Variants in TXNRD2 observed in about 807,000 individuals in gnomAD.
TXNRD2 encodes the protein thioredoxin reductase 2.
Under a neutral mutation model 70.8 loss-of-function variants are expected in TXNRD2, and 67 were observed. The ratio of observed to expected loss-of-function variants is 0.95; its 90% CI spans 0.78 to 1.16. TXNRD2 has a LOEUF of 1.16. TXNRD2 is among the 50% of genes most tolerant of loss of function. TXNRD2 has a pLI of 0.00. For synonymous variants in TXNRD2, 301 were observed against 295.8 expected (o/e 1.02, Z -0.18); for missense variants, 644 against 719.9 (o/e 0.89, Z 1.21).
chr22:19,925,021 A>ATG, intron 2 of TXNRD2, among the ~76,000 whole-genome samples: 1 of 151,038 alleles, frequency 6.6e-6, no homozygotes, highest in Non-Finnish European at 1.5e-5. Flanking sequence ...ATGGTGGCTC[A>ATG]CGCCTGTAAT....
chr22:19,935,589 T>A (rs1255192676), intron 1 of TXNRD2, among the ~76,000 whole-genome samples: 1 of 152,182 alleles, frequency 6.6e-6, no homozygotes, highest in Non-Finnish European at 1.5e-5. Flanking sequence ...TTTAAAATCC[T>A]TAATAAAAAC....
At chr22:19,880,771 GC>G (rs1458310425) in intron 12 of TXNRD2, 54 bp from the exon 13 acceptor site, 1 of 1,295,212 alleles carries the variant, frequency 7.7e-7, no homozygotes, top group South Asian at 1.2e-5. Flanking sequence ...GTTATATGCA[GC>G]CCCTATGCCA....
chr22:19,912,489 G>A (rs987516319), intron 7 of TXNRD2, among the ~76,000 whole-genome samples: 12 of 152,222 alleles, frequency 7.9e-5, no homozygotes, highest in Non-Finnish European at 1.8e-4. Flanking sequence ...GGCCAGGCCA[G>A]GGCCCCTGTG....
rs774018649 is a variant in TXNRD2 at position 19,895,202 on chromosome 22, T to G, written c.949+205A>C. On this transcript the variant is annotated intron_variant, in intron 11 of 17. Coordinates refer to ENST00000400521, the MANE Select transcript of TXNRD2 (RefSeq NM_006440.5). The stretch of plus-strand genomic sequence containing the variant: ...GGAGACACGCAGAGATGCAAGGTGC[T>G]GGGGATGGCAAGATGGGCACAGCCT... 5 of 1,598,150 alleles carry G rather than the reference T, an allele frequency of 3.1e-6. No individual in the cohort carries two copies. In the African/African-American group the frequency reaches 6.7e-5, roughly 21 times the overall value.
chr22:19,880,516 C>T lies in TXNRD2; in HGVS notation c.1182+106G>A, dbSNP rs543222884. Reference sequence around the variant, plus strand: ...ATAAGCGCACACACACGCATGCCCACATCTACATGCAGACACACAGCGCAC... The same window carrying T: ...ATAAGCGCACACACACGCATGCCCATATCTACATGCAGACACACAGCGCAC... On this transcript the variant is annotated intron_variant, in intron 13 of 17. Transcript: ENST00000400521. 4.7e-4 allele frequency: 501 copies of T among 1,056,668 alleles called. 4 individuals carry two copies. In the African/African-American group the frequency reaches 6.6e-3, roughly 14 times the overall value. The allele number at this position is 1,056,668 out of a possible 1,614,324, so 65.5% of individuals were successfully genotyped here. A position where few individuals can be genotyped will look rare whatever the true frequency, so the allele number is the denominator to read the frequency against.
Position 19,919,556 on chromosome 22 carries a change from T to A in TXNRD2, c.216A>T (p.Glu72Asp). 6.4e-7 allele frequency: 1 copy of A among 1,562,108 alleles called. No individual in the cohort carries two copies. Among genetic ancestry groups the A allele is most frequent in the Non-Finnish European group, 8.7e-7 (1 of 1,153,932 alleles). The change falls in exon 3 of 18, where the codon GAA (glutamate) becomes GAT (aspartate). Residue 72 changes from glutamate (E) to aspartate (D), a missense_variant. Glu to Asp is a conservative substitution (Grantham distance 45). Around this residue, in one of 3 missense-constraint regions of TXNRD2, gnomAD observed 566 missense variants for 645.0 expected, o/e 0.88. Coordinates refer to ENST00000400521, the MANE Select transcript of TXNRD2 (RefSeq NM_006440.5). ...GGTGCTGCCTACCTTGGGGAGAAGG[T>A]TCCACGTAGTCCACCACGGCCACCT... ...GRKVAVVDYV[E>D]PSPQGTRWGL... is the part of the protein sequence containing the mutation.
At chr22:19,918,555 C>G (rs543642521) in intron 4 of TXNRD2, among the ~76,000 whole-genome samples, 2 of 152,178 alleles carry the variant, frequency 1.3e-5, no homozygotes, top group East Asian at 3.9e-4. Context: ...AAGAGCTCAG[C>G]TGAAGCGGCC....
intron 11 of TXNRD2, among the ~76,000 whole-genome samples, chr22:19,884,807 C>T (rs991170501): frequency 2.6e-5 from 4 of 152,154 alleles, no homozygotes; most frequent in South Asian, 2.1e-4. Context: ...CCCCGTAACC[C>T]GCTAGTAGAG....
At chr22:19,892,366 C>T (rs752850900) in intron 11 of TXNRD2, among the ~76,000 whole-genome samples, 10 of 152,274 alleles carry the variant, frequency 6.6e-5, no homozygotes, top group Admixed American at 2.0e-4. Context: ...CCAGCAGGCG[C>T]GCAGAAGCCG....
intron 8 of TXNRD2, among the ~76,000 whole-genome samples, chr22:19,906,605 G>C (rs577804323): frequency 4.6e-5 from 7 of 152,192 alleles, no homozygotes; most frequent in African/African-American, 1.7e-4. Flanking sequence ...CTGGGCGACA[G>C]AGCAAGACCC....
intron 5 of TXNRD2, chr22:19,916,067 G>A: frequency 3.7e-6 from 2 of 540,202 alleles, no homozygotes; most frequent in South Asian, 3.9e-5. Flanking sequence ...GTTAACCACA[G>A]GTGTCAAAGC....
intron 5 of TXNRD2, among the ~76,000 whole-genome samples, chr22:19,917,373 G>A (rs549516388): frequency 2.6e-5 from 4 of 152,294 alleles, no homozygotes; most frequent in African/African-American, 9.6e-5. Context: ...TGAGGTCCAG[G>A]TGGAGGGCAA....
intron 1 of TXNRD2, among the ~76,000 whole-genome samples, chr22:19,940,680 G>C (rs900841205): frequency 2.6e-5 from 4 of 152,034 alleles, no homozygotes; most frequent in South Asian, 2.1e-4. Context: ...CCCTTTTATG[G>C]GACTCCGCCA....
rs1000810850 is a variant in TXNRD2, at chr22:19,925,075, G to C, written c.173-5476C>G. ...CAAGGGGGGCGGATCACAAGGTCAG[G>C]AGATCGAGACCATCCTGGCTAACAC... On this transcript the variant is annotated intron_variant, in intron 2 of 17. Coordinates refer to ENST00000400521, the MANE Select transcript of TXNRD2 (RefSeq NM_006440.5). Among the ~76,000 whole-genome samples, 14 of 150,636 alleles carry C rather than the reference G, an allele frequency of 9.3e-5. 1 individual carries two copies. In the Admixed American group the frequency reaches 9.3e-4, roughly 10 times the overall value.
intron 10 of TXNRD2, among the ~76,000 whole-genome samples, chr22:19,897,699 TG>T (rs929567623): frequency 6.6e-6 from 1 of 151,960 alleles, no homozygotes; most frequent in Non-Finnish European, 1.5e-5. Flanking sequence ...GTCTCTGAGG[TG>T]GGGCTAACAC....
At chr22:19,933,611 T>G in intron 1 of TXNRD2, 1 of 837,950 alleles carries the variant, frequency 1.2e-6, no homozygotes, top group Non-Finnish European at 1.6e-6. Flanking sequence ...CCAGGAGCCC[T>G]CTCGGGCTGA....
intron 7 of TXNRD2, among the ~76,000 whole-genome samples, chr22:19,913,625 G>A (rs1940509724): frequency 6.6e-6 from 1 of 152,232 alleles, no homozygotes; most frequent in South Asian, 2.1e-4. Flanking sequence ...GCCAAAGTAT[G>A]AGATGTCTGC....
intron 8 of TXNRD2, among the ~76,000 whole-genome samples, chr22:19,909,114 G>T (rs1296959451): frequency 6.6e-6 from 1 of 151,420 alleles, no homozygotes; most frequent in Non-Finnish European, 1.5e-5. Flanking sequence ...GCTGAGACAG[G>T]AGAATCGCTT....
intron 8 of TXNRD2, among the ~76,000 whole-genome samples, chr22:19,907,455 T>A (rs62222127): frequency 2.3e-4 from 1 of 4,434 alleles, no homozygotes; most frequent in Non-Finnish European, 4.1e-4. Flanking sequence ...GTGTGGGCGC[T>A]GTGAGTAGCA....
Sources: gnomAD v4.1 joint callset for allele counts (sites outside exome capture counted in the v4.1 genomes callset) on GRCh38, gnomAD v4.1.1 for gene constraint, gnomAD v4.1.1 regional missense constraint, MANE v1.5 for transcripts, NCBI Gene and HGNC (gene_info 2026-07-23, HGNC 2026-07-21) for gene names.